The following FILIP1L variants were observed in gnomAD, a reference collection of about 807,000 sequenced individuals.
The protein encoded by FILIP1L is filamin A-interacting protein 1-like.
In FILIP1L, 55 loss-of-function variants were observed where a neutral mutation model predicts 96.6. The observed-to-expected ratio is 0.57, with a 90% CI of 0.46 to 0.71. The LOEUF (loss-of-function observed/expected upper bound fraction) is 0.71. FILIP1L is among the 30% of genes least tolerant of loss of function. The pLI is 0.00. For synonymous variants in FILIP1L, 467 were observed against 473.9 expected (o/e 0.99, Z 0.19); for missense variants, 1,304 against 1,321.2 (o/e 0.99, Z 0.20).
intron 5 of FILIP1L, among the ~76,000 whole-genome samples, chr3:99,843,083 T>A (rs1330469470): frequency 6.6e-6 from 1 of 152,214 alleles, no homozygotes; most frequent in Non-Finnish European, 1.5e-5. Flanking sequence ...TTTGAGAACC[T>A]TAGTAAACTA....
intron 1 of FILIP1L, among the ~76,000 whole-genome samples, chr3:100,056,490 A>T (rs111868073): frequency 6.6e-6 from 1 of 152,224 alleles, no homozygotes; most frequent in Non-Finnish European, 1.5e-5. Flanking sequence ...ACAAAAGTTT[A>T]TAATCTGCTC....
chr3:99,929,865 T>C lies in FILIP1L; in HGVS notation c.417A>G (p.Pro139=). The C allele has an allele frequency of 6.2e-7, 1 of 1,611,908 alleles. No homozygotes were observed. The stretch of plus-strand genomic sequence containing the variant: ...CTATTGTGGTACATACCTCATTCAT[T>C]GGTTTCTCATAGATGTCCTCCTGCC... ...TPWQEDIYEK[P]MNELDKVVEK... is the part of the protein sequence containing the mutation. The change falls in exon 3 of 6, where the codon CCA becomes CCG. Residue 139 remains proline (P), a synonymous_variant. Coordinates refer to ENST00000477258, the MANE Select transcript of FILIP1L (RefSeq NM_001387850.1).
At chr3:100,112,410 A>G (rs2107479924) in intron 1 of FILIP1L, among the ~76,000 whole-genome samples, 1 of 152,326 alleles carries the variant, frequency 6.6e-6, no homozygotes, top group Middle Eastern at 3.4e-3. Flanking sequence ...ATAGCACTCT[A>G]TTAAAGGCAC....
intron 1 of FILIP1L, among the ~76,000 whole-genome samples, chr3:100,016,682 C>A (rs1027490707): frequency 6.6e-6 from 1 of 152,200 alleles, no homozygotes; most frequent in African/African-American, 2.4e-5. Flanking sequence ...AAAGTCCATG[C>A]AATTCATAAA....
Position 99,922,797 on chromosome 3 carries a change from C to T in FILIP1L, c.605+1433G>A, listed in dbSNP as rs540938560. On this transcript the variant is annotated intron_variant, in intron 4 of 5. Coordinates refer to ENST00000477258, the MANE Select transcript of FILIP1L (RefSeq NM_001387850.1). ...CTACATATGGTTAGAAAATATTTAC[C>T]AACCAAACTCTCCTTTTTTGCAGCC... Among the ~76,000 whole-genome samples, 71 of 152,230 alleles carry T rather than the reference C, an allele frequency of 4.7e-4. 1 individual carries two copies. The highest frequency in any genetic ancestry group is 2.1e-3 in the South Asian group (10 of 4,818).
At chr3:99,955,259 G>T (rs1268078850) in intron 1 of FILIP1L, among the ~76,000 whole-genome samples, 1 of 152,168 alleles carries the variant, frequency 6.6e-6, no homozygotes, top group Non-Finnish European at 1.5e-5. Flanking sequence ...GGATGGAACA[G>T]AGCTATTAGC....
intron 4 of FILIP1L, among the ~76,000 whole-genome samples, chr3:99,870,747 A>C (rs1944747390): frequency 6.6e-6 from 1 of 152,208 alleles, no homozygotes; most frequent in South Asian, 2.1e-4. Context: ...CTCTTCTGTA[A>C]AATCTGGGAG....
chr3:99,834,859 G>A (rs1942832417), intron 5 of FILIP1L, among the ~76,000 whole-genome samples: 1 of 152,182 alleles, frequency 6.6e-6, no homozygotes, highest in Non-Finnish European at 1.5e-5. Context: ...CTTTACCCAT[G>A]TAAACCTCAG....
intron 1 of FILIP1L, among the ~76,000 whole-genome samples, chr3:100,054,175 T>C (rs1171206331): frequency 6.6e-6 from 1 of 152,228 alleles, no homozygotes; most frequent in African/African-American, 2.4e-5. Context: ...AAGTTGCCAT[T>C]GTACTGTGAA....
chr3:100,035,493 G>A (rs1369555324), intron 1 of FILIP1L, among the ~76,000 whole-genome samples: 1 of 152,076 alleles, frequency 6.6e-6, no homozygotes, highest in African/African-American at 2.4e-5. Context: ...GGCTGGTCTC[G>A]AACTCCTGAT....
chr3:99,860,969 A>G (rs574461450), intron 4 of FILIP1L, among the ~76,000 whole-genome samples: 2 of 152,302 alleles, frequency 1.3e-5, no homozygotes, highest in African/African-American at 4.8e-5. Context: ...GTTTACTCAG[A>G]TGACATCTAT....
chr3:100,059,920 G>T (rs1227941455), intron 1 of FILIP1L, among the ~76,000 whole-genome samples: 1 of 152,144 alleles, frequency 6.6e-6, no homozygotes, highest in Non-Finnish European at 1.5e-5. Context: ...TGAGCCTCCA[G>T]TCTGGGGAGT....
intron 4 of FILIP1L, among the ~76,000 whole-genome samples, chr3:99,867,848 GATTT>G (rs1944597379): frequency 6.6e-6 from 1 of 152,134 alleles, no homozygotes; most frequent in Non-Finnish European, 1.5e-5. Context: ...ATGGGATTCA[GATTT>G]ATTTGAGTCT....
intron 1 of FILIP1L, among the ~76,000 whole-genome samples, chr3:100,111,267 A>G (rs753608869): frequency 6.6e-6 from 1 of 152,146 alleles, no homozygotes; most frequent in African/African-American, 2.4e-5. Context: ...CCTGTTTGCT[A>G]ATACCACTTT....
At chr3:100,108,286 T>C (rs1032491295) in intron 1 of FILIP1L, among the ~76,000 whole-genome samples, 14 of 152,188 alleles carry the variant, frequency 9.2e-5, no homozygotes, top group African/African-American at 3.4e-4. Flanking sequence ...TTATTTTTTA[T>C]AGATCCAAGG....
intron 1 of FILIP1L, among the ~76,000 whole-genome samples, chr3:100,038,081 G>A (rs1029594663): frequency 6.5e-4 from 98 of 151,430 alleles, no homozygotes; most frequent in Non-Finnish European, 3.2e-4. Context: ...TCAGCCTCCC[G>A]AGTAGCTGGG....
chr3:100,001,212 A>T (rs1159965954), intron 1 of FILIP1L, among the ~76,000 whole-genome samples: 4 of 152,238 alleles, frequency 2.6e-5, no homozygotes, highest in African/African-American at 9.6e-5. Context: ...CACCTATTTA[A>T]TAGTATACTA....
At chr3:99,844,355 A>T (rs929715504) in intron 5 of FILIP1L, among the ~76,000 whole-genome samples, 1 of 152,172 alleles carries the variant, frequency 6.6e-6, no homozygotes, top group Non-Finnish European at 1.5e-5. Context: ...GCTGATCTAT[A>T]AGAGTTTTGG....
chr3:100,020,246 C>T (rs1485361821), intron 1 of FILIP1L, among the ~76,000 whole-genome samples: 2 of 152,174 alleles, frequency 1.3e-5, no homozygotes, highest in Non-Finnish European at 2.9e-5. Flanking sequence ...TTGCAATTTA[C>T]TTCACTATTC....
Sources: gnomAD v4.1 joint callset for allele counts (sites outside exome capture counted in the v4.1 genomes callset) on GRCh38, gnomAD v4.1.1 for gene constraint, MANE v1.5 for transcripts, NCBI Gene and HGNC (gene_info 2026-07-23, HGNC 2026-07-21) for gene names.